Variants in MANEA observed in about 807,000 individuals in gnomAD.
MANEA encodes glycoprotein endo-alpha-1,2-mannosidase.
MANEA carries 25 observed loss-of-function variants against 36.8 expected under a neutral mutation model. That is an observed-to-expected ratio of 0.68 (90% CI 0.50 to 0.95). The LOEUF (loss-of-function observed/expected upper bound fraction) is 0.95. MANEA is among the 40% of genes least tolerant of loss of function. The pLI is 0.00. For synonymous variants in MANEA, 198 were observed against 188.5 expected, an observed-to-expected ratio of 1.05 and a Z score of -0.41; for missense variants, 565 against 558.8, an observed-to-expected ratio of 1.01 and a Z score of -0.11.
intron 3 of MANEA, among the ~76,000 whole-genome samples, chr6:95,600,892 T>C (rs1453629950): frequency 1.3e-5 from 2 of 152,234 alleles, no homozygotes; most frequent in Non-Finnish European, 2.9e-5. Flanking sequence ...CTAATATTAG[T>C]CATTAAATAT....
intron 2 of MANEA, among the ~76,000 whole-genome samples, chr6:95,591,372 G>C (rs1732035550): frequency 6.6e-6 from 1 of 151,834 alleles, no homozygotes; most frequent in Non-Finnish European, 1.5e-5. Flanking sequence ...TTTTCTTTTG[G>C]AATTTTGAAA....
At chr6:95,590,272 A>C (rs1282159011) in intron 2 of MANEA, 1 of 152,224 alleles carries the variant, frequency 6.6e-6, no homozygotes, top group Non-Finnish European at 1.5e-5. Flanking sequence ...GTACTCTATG[A>C]CTTTAAAATT....
chr6:95,596,644 T>C, intron 2 of MANEA, 93 bp from the exon 3 acceptor site: 1 of 658,566 alleles, frequency 1.5e-6, no homozygotes, highest in Non-Finnish European at 2.7e-6. Flanking sequence ...TATGTTCTTC[T>C]ATTGTTAACT....
At chr6:95,587,702 A>G (rs143178726) in intron 2 of MANEA, among the ~76,000 whole-genome samples, 1 of 152,222 alleles carries the variant, frequency 6.6e-6, no homozygotes, top group Non-Finnish European at 1.5e-5. Context: ...TTCAAATTTT[A>G]GGCATGTAGC....
At chr6:95,599,762 G>T (rs1769554070) in intron 3 of MANEA, among the ~76,000 whole-genome samples, 2 of 152,156 alleles carry the variant, frequency 1.3e-5, no homozygotes, top group African/African-American at 4.8e-5. Flanking sequence ...TGTCCATAAA[G>T]CTGCCTCTTC....
chr6:95,579,306 G>A (rs1582216660), intron 1 of MANEA, among the ~76,000 whole-genome samples: 1 of 152,160 alleles, frequency 6.6e-6, no homozygotes, highest in African/African-American at 2.4e-5. Context: ...CCGGGAGGTG[G>A]AGGTTGTAGT....
chr6:95,579,727 C>T (rs763495936), intron 1 of MANEA, among the ~76,000 whole-genome samples: 10 of 152,092 alleles, frequency 6.6e-5, no homozygotes, highest in Admixed American at 1.3e-4. Flanking sequence ...CTTGGGGTCT[C>T]TTAGCTAGCT....
At chr6:95,580,811 G>A (rs1769166151) in intron 1 of MANEA, among the ~76,000 whole-genome samples, 1 of 152,128 alleles carries the variant, frequency 6.6e-6, no homozygotes, top group African/African-American at 2.4e-5. Flanking sequence ...TTTTCACTGT[G>A]GAATTAGGAG....
chr6:95,603,026 C>CAAA (rs67486139), intron 3 of MANEA, among the ~76,000 whole-genome samples: 16 of 63,424 alleles, frequency 2.5e-4, no homozygotes, highest in African/African-American at 3.5e-4. Flanking sequence ...GACTCCGTCT[C>CAAA]AAAAAAAAAA....
intron 3 of MANEA, among the ~76,000 whole-genome samples, chr6:95,602,730 C>T (rs1285513676): frequency 6.6e-6 from 1 of 152,020 alleles, no homozygotes; most frequent in Non-Finnish European, 1.5e-5. Context: ...ATTAAAATTG[C>T]AAAGTAATGG....
chr6:95,593,503 C>T (rs973320689), intron 2 of MANEA, among the ~76,000 whole-genome samples: 1 of 152,148 alleles, frequency 6.6e-6, no homozygotes, highest in African/African-American at 2.4e-5. Flanking sequence ...TATGGCAGCG[C>T]TATCCAGTAG....
rs7774333 is a variant in MANEA, at chr6:95,596,301, G to A, written c.545-436G>A. Among the ~76,000 whole-genome samples, 272 of 152,094 alleles carry A rather than the reference G, an allele frequency of 1.8e-3. 1 individual carries two copies. Among genetic ancestry groups the A allele is most frequent in the African/African-American group, 6.2e-3 (258 of 41,494 alleles). ...TATAATAGATTTGTCAAAACCTGTC[G>A]AACTGTACAACACAAAGTGTCAACC... On this transcript the variant is annotated intron_variant, in intron 2 of 4. Coordinates refer to ENST00000358812, the MANE Select transcript of MANEA (RefSeq NM_024641.4).
At chr6:95,578,007 GA>G (rs1769102910) in intron 1 of MANEA, among the ~76,000 whole-genome samples, 1 of 152,198 alleles carries the variant, frequency 6.6e-6, no homozygotes, top group East Asian at 1.9e-4. Context: ...GGGTCGGATG[GA>G]AGCCTTTTTC....
chr6:95,605,087 T>C (rs1769673232), intron 4 of MANEA, among the ~76,000 whole-genome samples, 184 bp downstream of exon 4: 1 of 152,230 alleles, frequency 6.6e-6, no homozygotes, highest in African/African-American at 2.4e-5. Context: ...AAGTTTCTTA[T>C]AATTCACTTT....
At chr6:95,601,726 T>A (rs1769596809) in intron 3 of MANEA, among the ~76,000 whole-genome samples, 1 of 142,562 alleles carries the variant, frequency 7.0e-6, no homozygotes, top group Admixed American at 7.1e-5. Context: ...ATTTTTTTTT[T>A]TTTTTTTTTT....
chr6:95,595,118 T>A (rs984548297), intron 2 of MANEA, among the ~76,000 whole-genome samples: 10 of 152,228 alleles, frequency 6.6e-5, no homozygotes, highest in African/African-American at 2.2e-4. Context: ...ATGTGATTCA[T>A]AGCATAATCT....
chr6:95,580,479 A>C (rs1423052799), intron 1 of MANEA, among the ~76,000 whole-genome samples: 1 of 152,160 alleles, frequency 6.6e-6, no homozygotes, highest in Non-Finnish European at 1.5e-5. Context: ...TAATCCCAGC[A>C]CTTTGGGAGG....
chr6:95,598,288 CA>C (rs1214471029), intron 3 of MANEA, among the ~76,000 whole-genome samples: 1 of 152,062 alleles, frequency 6.6e-6, no homozygotes, highest in African/African-American at 2.4e-5. Context: ...TTACCTCACA[CA>C]ATTTCTAAGG....
chr6:95,603,035 A>G (rs1269007810), intron 3 of MANEA, among the ~76,000 whole-genome samples: 2 of 150,580 alleles, frequency 1.3e-5, no homozygotes, highest in African/African-American at 4.9e-5. Flanking sequence ...TCAAAAAAAA[A>G]AAAAAAAAAA....
Sources: gnomAD v4.1 joint callset for allele counts (sites outside exome capture counted in the v4.1 genomes callset) on GRCh38, gnomAD v4.1.1 for gene constraint, MANE v1.5 for transcripts, NCBI Gene and HGNC (gene_info 2026-07-23, HGNC 2026-07-21) for gene names.